FAR2: variants seen among roughly 807,000 people sequenced by gnomAD.
FAR2 encodes fatty acyl-CoA reductase 2.
FAR2 carries 19 observed loss-of-function variants against 56.0 expected under a neutral mutation model. That is an observed-to-expected ratio of 0.34 (90% CI 0.24 to 0.50). The LOEUF is 0.50. Among genes scored for constraint, FAR2 ranks in the 20% least tolerant of loss-of-function variants. The pLI, the probability that FAR2 is intolerant of heterozygous loss-of-function variation, is 0.98. For synonymous variants in FAR2, 219 were observed against 218.8 expected (o/e 1.00, Z -0.01); for missense variants, 508 against 642.2 (o/e 0.79, Z 2.26).
At chr12:29,183,342 C>T (rs555440527) in intron 1 of FAR2, among the ~76,000 whole-genome samples, 2 of 152,260 alleles carry the variant, frequency 1.3e-5, no homozygotes, top group East Asian at 3.9e-4. Flanking sequence ...ATTATTATCA[C>T]CTACATATCA....
intron 2 of FAR2, among the ~76,000 whole-genome samples, chr12:29,273,786 G>A (rs763418718): frequency 4.6e-5 from 7 of 152,328 alleles, no homozygotes; most frequent in East Asian, 3.9e-4. Flanking sequence ...CCTGGGTTCC[G>A]GAGTGGGCTC....
At chr12:29,244,697 A>G (rs1948096896) in intron 1 of FAR2, among the ~76,000 whole-genome samples, 1 of 152,226 alleles carries the variant, frequency 6.6e-6, no homozygotes, top group African/African-American at 2.4e-5. Flanking sequence ...CCCACCCTAA[A>G]GAACCCAAGC....
intron 1 of FAR2, among the ~76,000 whole-genome samples, chr12:29,269,354 G>A (rs1028201422): frequency 2.0e-5 from 3 of 152,174 alleles, no homozygotes; most frequent in African/African-American, 7.2e-5. Context: ...CTCACTGGCA[G>A]TCAGAGTTTA....
intron 2 of FAR2, among the ~76,000 whole-genome samples, chr12:29,271,491 A>G (rs926549082): frequency 6.6e-6 from 1 of 152,244 alleles, no homozygotes; most frequent in Non-Finnish European, 1.5e-5. Flanking sequence ...AGGGGGTGAC[A>G]TAAGATTGGC....
At chr12:29,262,383 C>A (rs1427699370) in intron 1 of FAR2, among the ~76,000 whole-genome samples, 1 of 152,162 alleles carries the variant, frequency 6.6e-6, no homozygotes, top group Admixed American at 6.5e-5. Context: ...GTAATCCCAG[C>A]ACTTTGAGAG....
intron 1 of FAR2, among the ~76,000 whole-genome samples, chr12:29,245,267 A>G (rs1438078706): frequency 6.6e-6 from 1 of 152,216 alleles, no homozygotes; most frequent in Non-Finnish European, 1.5e-5. Context: ...GGCGTGAGCC[A>G]CTGCGCCTGG....
intron 5 of FAR2, among the ~76,000 whole-genome samples, chr12:29,308,697 C>G (rs113934762): frequency 0.077 from 4,309 of 55,682 alleles, 89 homozygotes; most frequent in East Asian, 0.19. Flanking sequence ...CAGACACACA[C>G]ACACACACAC....
chr12:29,229,528 A>G (rs1001711876), intron 1 of FAR2, among the ~76,000 whole-genome samples: 1 of 152,230 alleles, frequency 6.6e-6, no homozygotes, highest in Non-Finnish European at 1.5e-5. Context: ...AGAAAAAAAA[A>G]GACCAAATCT....
At chr12:29,309,332 T>G in intron 6 of FAR2, 102 bp downstream of exon 6, 1 of 813,696 alleles carries the variant, frequency 1.2e-6, no homozygotes, top group South Asian at 1.5e-5. Flanking sequence ...AACATAAATG[T>G]TACTTTACTA....
intron 2 of FAR2, among the ~76,000 whole-genome samples, chr12:29,285,829 G>A (rs565933358): frequency 1.1e-4 from 17 of 152,078 alleles, no homozygotes; most frequent in African/African-American, 3.9e-4. Flanking sequence ...TGACGCAGGA[G>A]AATCACTTGA....
intron 1 of FAR2, among the ~76,000 whole-genome samples, chr12:29,209,312 C>T (rs962293145): frequency 1.3e-5 from 2 of 152,170 alleles, no homozygotes; most frequent in African/African-American, 4.8e-5. Flanking sequence ...AGTCTTCTCT[C>T]ACTATCTTCT....
At chr12:29,251,237 G>T (rs1414573026) in intron 1 of FAR2, among the ~76,000 whole-genome samples, 1 of 152,202 alleles carries the variant, frequency 6.6e-6, no homozygotes, top group Admixed American at 6.5e-5. Context: ...ACTTGAGCCA[G>T]TTTACAGACC....
intron 1 of FAR2, among the ~76,000 whole-genome samples, chr12:29,196,536 G>A (rs76117963): frequency 1.3e-5 from 2 of 152,080 alleles, no homozygotes; most frequent in East Asian, 3.9e-4. Flanking sequence ...TAATGGAGTT[G>A]GTTCCAGGAA....
chr12:29,254,878 A>C (rs1220558391), intron 1 of FAR2, among the ~76,000 whole-genome samples: 1 of 151,406 alleles, frequency 6.6e-6, no homozygotes, highest in Non-Finnish European at 1.5e-5. Context: ...ACTTGAACCC[A>C]GGAGGCGGAG....
At chr12:29,222,137 C>T (rs1947703422) in intron 1 of FAR2, among the ~76,000 whole-genome samples, 1 of 152,216 alleles carries the variant, frequency 6.6e-6, no homozygotes, top group African/African-American at 2.4e-5. Context: ...GCATGAGCCA[C>T]TGTGCCTGGC....
At chr12:29,279,878 G>A (rs1948760520) in intron 2 of FAR2, among the ~76,000 whole-genome samples, 1 of 151,760 alleles carries the variant, frequency 6.6e-6, no homozygotes, top group Non-Finnish European at 1.5e-5. Flanking sequence ...GATTTGCAAA[G>A]ATCAAATGTG....
intron 2 of FAR2, among the ~76,000 whole-genome samples, chr12:29,272,451 C>T (rs894531470): frequency 6.6e-6 from 1 of 152,324 alleles, no homozygotes; most frequent in Admixed American, 6.5e-5. Context: ...TGCCTTACGA[C>T]ATTGTTGTGC....
At chr12:29,262,926 C>A (rs750566209) in intron 1 of FAR2, among the ~76,000 whole-genome samples, 1 of 151,978 alleles carries the variant, frequency 6.6e-6, no homozygotes, top group Non-Finnish European at 1.5e-5. Context: ...TAAAGATACA[C>A]ATAAACTGAA....
At chr12:29,168,813 C>A (rs535219881) in intron 1 of FAR2, among the ~76,000 whole-genome samples, 1 of 152,270 alleles carries the variant, frequency 6.6e-6, no homozygotes, top group African/African-American at 2.4e-5. Context: ...ACTTTCACAG[C>A]GTGGAAGGGG....
Sources: gnomAD v4.1 joint callset for allele counts (sites outside exome capture counted in the v4.1 genomes callset) on GRCh38, gnomAD v4.1.1 for gene constraint, MANE v1.5 for transcripts, NCBI Gene and HGNC (gene_info 2026-07-23, HGNC 2026-07-21) for gene names.